The following ENTHD1 variants were observed in gnomAD, a reference collection of about 807,000 sequenced individuals.
ENTHD1 encodes ENTH domain containing 1.
In ENTHD1, 23 loss-of-function variants were observed where a neutral mutation model predicts 39.1. The ratio of observed to expected loss-of-function variants is 0.59; its 90% CI spans 0.42 to 0.83. ENTHD1 has a LOEUF of 0.83. Among genes scored for constraint, ENTHD1 ranks in the 40% least tolerant of loss-of-function variants. The probability of loss-of-function intolerance (pLI) is 0.00; values close to 1 mark genes in which losing one functional copy is unlikely to be tolerated. For synonymous variants in ENTHD1, 230 were observed against 258.2 expected (o/e 0.89, Z 1.05); for missense variants, 624 against 705.4 (o/e 0.88, Z 1.31).
Position 39,756,316 on chromosome 22 carries a change from T to TCACACACA in ENTHD1, c.1219+8899_1219+8906dup, listed in dbSNP as rs924008247. 2.9e-5 allele frequency among the ~76,000 whole-genome samples: 4 copies of TCACACACA among 138,096 alleles called. No individual in the cohort carries two copies. The South Asian group carries it at 7.7e-4, about 26-fold the overall frequency. The allele number at this position is 138,096 out of a possible 152,430, so 90.6% of individuals were successfully genotyped here. ...CTCTCTCTCTCTCTCTCTCTCTCTCTCACACACACACACACACACACACGC... is the reference window on the plus strand; with the variant it reads ...CTCTCTCTCTCTCTCTCTCTCTCTCTCACACACACACACACACACACACACACACACGC... On this transcript the variant is annotated intron_variant, in intron 6 of 6. Transcript: ENST00000325157.
intron 4 of ENTHD1, among the ~76,000 whole-genome samples, chr22:39,827,715 A>G (rs1000815493): frequency 6.6e-6 from 1 of 152,240 alleles, no homozygotes; most frequent in African/African-American, 2.4e-5. Flanking sequence ...GTATACCAGT[A>G]CTGTGTACCA....
chr22:39,754,929 A>G (rs2065173462), intron 6 of ENTHD1, among the ~76,000 whole-genome samples: 3 of 152,200 alleles, frequency 2.0e-5, no homozygotes, highest in Admixed American at 2.0e-4. Flanking sequence ...CCTGGCACAC[A>G]TAGCTTCTAT....
intron 5 of ENTHD1, among the ~76,000 whole-genome samples, chr22:39,806,332 G>T (rs2065640362): frequency 6.6e-6 from 1 of 152,186 alleles, no homozygotes; most frequent in Non-Finnish European, 1.5e-5. Flanking sequence ...GTCAACTAGG[G>T]ATGAGGAAAG....
At chr22:39,822,278 C>T (rs1240222358) in intron 4 of ENTHD1, among the ~76,000 whole-genome samples, 1 of 151,706 alleles carries the variant, frequency 6.6e-6, no homozygotes, top group African/African-American at 2.4e-5. Flanking sequence ...ATGTAGAGCT[C>T]GATAACTTTT....
At chr22:39,825,366 T>C (rs77631913) in intron 4 of ENTHD1, among the ~76,000 whole-genome samples, 15,136 of 152,252 alleles carry the variant, frequency 0.099, 878 homozygotes, top group Middle Eastern at 0.13. Flanking sequence ...TGAGAATTTT[T>C]GCATCTAGTT....
rs555716457 is a variant in ENTHD1, at chr22:39,835,019, T to C, written c.711+821A>G. ...TTCTTTTGTGGTGATGGAACAGTTC[T>C]ATCTCTTCATTGTGGCTCTGTTTAC... On this transcript the variant is annotated intron_variant, in intron 4 of 6. Transcript: ENST00000325157. 9.2e-5 allele frequency among the ~76,000 whole-genome samples: 14 copies of C among 152,332 alleles called. No homozygotes were observed. The East Asian group carries it at 2.5e-3, about 27-fold the overall frequency.
chr22:39,861,979 T>C lies in ENTHD1; in HGVS notation c.378A>G (p.Gln126=), dbSNP rs149946781. 2.3e-4 allele frequency: 351 copies of C among 1,509,862 alleles called. 1 individual carries two copies. The highest frequency in any genetic ancestry group is 3.0e-4 in the Non-Finnish European group (335 of 1,113,858). 93.5% of individuals were successfully genotyped at this position (1,509,862 alleles called of 1,614,324 possible). A position where few individuals can be genotyped will look rare whatever the true frequency, so the allele number is the denominator to read the frequency against. ...QGYYIREKSK[Q]VITLLMDEPL... ...GTTCATCCATCAGCAATGTGATGAC[T>C]TGCTTAGATTTTTCCCGGATATAAT... Residue 126 remains glutamine (Q), a synonymous_variant, in exon 3 of 7, where the codon CAA becomes CAG. Transcript: ENST00000325157.
intron 5 of ENTHD1, among the ~76,000 whole-genome samples, chr22:39,777,769 G>C (rs1298855491): frequency 6.6e-6 from 1 of 152,196 alleles, no homozygotes; most frequent in Non-Finnish European, 1.5e-5. Context: ...TTATACCATA[G>C]TTAAGGTTCC....
chr22:39,794,387 T>A (rs2065530093), intron 5 of ENTHD1, among the ~76,000 whole-genome samples: 1 of 152,220 alleles, frequency 6.6e-6, no homozygotes, highest in Non-Finnish European at 1.5e-5. Flanking sequence ...AAATATAAGA[T>A]CATGTCATCT....
intron 4 of ENTHD1, among the ~76,000 whole-genome samples, chr22:39,826,759 T>C (rs2065829607): frequency 6.6e-6 from 1 of 151,890 alleles, no homozygotes; most frequent in Non-Finnish European, 1.5e-5. Context: ...AGGGTATACT[T>C]GTAGGAGGGG....
intron 5 of ENTHD1, among the ~76,000 whole-genome samples, chr22:39,808,080 C>T (rs1169709705): frequency 6.6e-6 from 1 of 152,154 alleles, no homozygotes; most frequent in Non-Finnish European, 1.5e-5. Context: ...TTAAAAATCT[C>T]TTTGTGGACT....
intron 6 of ENTHD1, among the ~76,000 whole-genome samples, chr22:39,760,041 C>A (rs369681575): frequency 2.0e-5 from 3 of 151,290 alleles, no homozygotes; most frequent in African/African-American, 7.3e-5. Flanking sequence ...AGTATGTGTT[C>A]TTTCTTGGTG....
At chr22:39,826,501 G>A (rs1206948776) in intron 4 of ENTHD1, among the ~76,000 whole-genome samples, 1 of 151,596 alleles carries the variant, frequency 6.6e-6, no homozygotes, top group Admixed American at 6.6e-5. Context: ...GTTTCCTGAG[G>A]AAAGAACTTA....
intron 5 of ENTHD1, among the ~76,000 whole-genome samples, chr22:39,766,035 AAAAAAAAAAAAAAAG>A (rs1430525158): frequency 6.7e-5 from 10 of 149,414 alleles, no homozygotes; most frequent in South Asian, 2.1e-4. Context: ...AAAAAAAAAA[AAAAAAAAAAAAAAAG>A]AAAGAAAAAG....
intron 6 of ENTHD1, among the ~76,000 whole-genome samples, chr22:39,757,063 T>C (rs754013392): frequency 6.6e-6 from 1 of 152,100 alleles, no homozygotes; most frequent in East Asian, 1.9e-4. Flanking sequence ...GCAGAGCTAT[T>C]TGGAGAAAAA....
At chr22:39,834,561 T>G (rs1417589492) in intron 4 of ENTHD1, among the ~76,000 whole-genome samples, 1 of 152,222 alleles carries the variant, frequency 6.6e-6, no homozygotes, top group East Asian at 1.9e-4. Flanking sequence ...ATAGCCACTC[T>G]GGAAAATAGT....
chr22:39,773,059 G>T (rs1462032174), intron 5 of ENTHD1, among the ~76,000 whole-genome samples: 4 of 143,232 alleles, frequency 2.8e-5, no homozygotes, highest in Non-Finnish European at 6.0e-5. Context: ...CAAAGCAGGT[G>T]GATCTCTTGA....
In ENTHD1 at chr22:39,812,678, T is replaced by G. The variant is rs551386686; in HGVS notation, c.832+8315A>C. 1.2e-4 allele frequency among the ~76,000 whole-genome samples: 18 copies of G among 152,312 alleles called. No individual in the cohort carries two copies. The East Asian group carries it at 3.3e-3, about 28-fold the overall frequency. ...ACCAAGGTGACCTGGCTGCCACAGA[T>G]GCGGAGCATCCAGAATGCCCGGAGT... On this transcript the variant is annotated intron_variant, in intron 5 of 6. Coordinates refer to ENST00000325157, the MANE Select transcript of ENTHD1 (RefSeq NM_152512.4).
chr22:39,865,789 C>T (rs182628861), intron 2 of ENTHD1, among the ~76,000 whole-genome samples: 1 of 152,326 alleles, frequency 6.6e-6, no homozygotes, highest in Admixed American at 6.5e-5. Context: ...GTGACAGAAA[C>T]TCCATTTGAA....
Sources: gnomAD v4.1 joint callset for allele counts (sites outside exome capture counted in the v4.1 genomes callset) on GRCh38, gnomAD v4.1.1 for gene constraint, MANE v1.5 for transcripts, NCBI Gene and HGNC (gene_info 2026-07-23, HGNC 2026-07-21) for gene names.